MOB1B: variants seen among roughly 807,000 people sequenced by gnomAD.
MOB1B encodes MOB1 Mps One Binder homolog B.
MOB1B carries 19 observed loss-of-function variants against 24.4 expected under a neutral mutation model. That is an observed-to-expected ratio of 0.78 (90% confidence interval 0.54 to 1.14). MOB1B has a LOEUF of 1.14. Ranked by LOEUF, MOB1B falls within the 50% of genes most tolerant of loss-of-function variation. MOB1B has a pLI of 0.00. For synonymous variants in MOB1B, 76 were observed against 82.1 expected (o/e 0.93, Z 0.40); for missense variants, 243 against 259.6 (o/e 0.94, Z 0.44).
At chr4:70,905,466 C>T (rs1735703531) in intron 1 of MOB1B, among the ~76,000 whole-genome samples, 2 of 151,582 alleles carry the variant, frequency 1.3e-5, no homozygotes, top group African/African-American at 4.9e-5. Flanking sequence ...CCAGGCTGGT[C>T]TCCTGGGCTC....
chr4:70,913,061 GT>G (rs1289366820), intron 1 of MOB1B, among the ~76,000 whole-genome samples: 1 of 152,190 alleles, frequency 6.6e-6, no homozygotes, highest in Non-Finnish European at 1.5e-5. Context: ...CCCAGCCTGT[GT>G]TTTTCAAACT....
rs1735763398 is a variant in MOB1B at position 70,906,709 on chromosome 4, CAG to C, written c.14+4162_14+4163del. ...ACTGCATATGTGGGTTTGGCTGGGA[CAG>C]AGCTTTGGTTGTGCCGCAGTTTGGC... On this transcript the variant is annotated intron_variant, in intron 1 of 5. Transcript: ENST00000309395. Among the ~76,000 whole-genome samples the C allele has an allele frequency of 2.0e-5, 3 of 152,274 alleles. No homozygotes were observed. In the South Asian group the frequency reaches 6.2e-4, roughly 32 times the overall value.
chr4:70,902,322 G>T (rs1205186593), upstream of MOB1B: 1 of 644,550 alleles, frequency 1.6e-6, no homozygotes, highest in Non-Finnish European at 2.8e-6. Flanking sequence ...CCCTCCCCTG[G>T]AGTGATTCAA....
intron 1 of MOB1B, among the ~76,000 whole-genome samples, chr4:70,940,824 G>A (rs1737301813): frequency 6.6e-6 from 1 of 151,766 alleles, no homozygotes; most frequent in Non-Finnish European, 1.5e-5. Context: ...TTACAGGCAT[G>A]CACCACCACG....
At chr4:70,940,168 G>GT (rs1248043582) in intron 1 of MOB1B, among the ~76,000 whole-genome samples, 2 of 152,120 alleles carry the variant, frequency 1.3e-5, no homozygotes, top group African/African-American at 2.4e-5. Context: ...GGTCTCGGGG[G>GT]TTTTTATAGG....
chr4:70,920,773 G>T (rs1025341536), intron 1 of MOB1B, among the ~76,000 whole-genome samples: 8 of 152,022 alleles, frequency 5.3e-5, no homozygotes, highest in South Asian at 2.1e-4. Flanking sequence ...ACAGATTTTT[G>T]GGGGAAATTA....
At chr4:70,938,526 C>A (rs1305488738) in intron 1 of MOB1B, among the ~76,000 whole-genome samples, 3 of 151,926 alleles carry the variant, frequency 2.0e-5, no homozygotes, top group African/African-American at 7.3e-5. Flanking sequence ...TTCTGTTTTG[C>A]CCTCTCCATA....
At chr4:70,969,909 AC>A in intron 2 of MOB1B, 21 bp from the exon 3 acceptor site, 1 of 1,409,902 alleles carries the variant, frequency 7.1e-7, no homozygotes, top group Non-Finnish European at 9.9e-7. Context: ...TGTTTTACTT[AC>A]AACTGATACT....
At chr4:70,973,933 T>C (rs1346098767) in intron 3 of MOB1B, among the ~76,000 whole-genome samples, 1 of 152,190 alleles carries the variant, frequency 6.6e-6, no homozygotes, top group African/African-American at 2.4e-5. Context: ...TATTTTTCTG[T>C]TATATATTGT....
At chr4:70,933,301 A>G (rs1469546089) in intron 1 of MOB1B, among the ~76,000 whole-genome samples, 1 of 152,138 alleles carries the variant, frequency 6.6e-6, no homozygotes, top group Non-Finnish European at 1.5e-5. Flanking sequence ...AAGACATGAG[A>G]TTTGGGTAGG....
At chr4:70,934,750 C>T (rs897018431) in intron 1 of MOB1B, among the ~76,000 whole-genome samples, 1 of 152,098 alleles carries the variant, frequency 6.6e-6, no homozygotes, top group Non-Finnish European at 1.5e-5. Flanking sequence ...GCCACCCCAC[C>T]CAGCCTGGAA....
intron 3 of MOB1B, among the ~76,000 whole-genome samples, chr4:70,971,408 A>G (rs911656966): frequency 2.0e-5 from 3 of 151,758 alleles, no homozygotes; most frequent in Non-Finnish European, 4.4e-5. Flanking sequence ...AGGCAGGAGA[A>G]TCACTTAAAC....
intron 1 of MOB1B, among the ~76,000 whole-genome samples, chr4:70,933,537 T>C (rs370577089): frequency 1.4e-5 from 2 of 140,862 alleles, no homozygotes; most frequent in South Asian, 4.6e-4. Context: ...GTAATAAAAA[T>C]AACTCTTTTT....
At position 70,908,700 on chromosome 4, in the gene MOB1B, G is replaced by T. The variant is rs577951181; in HGVS notation, c.14+6150G>T. On this transcript the variant is annotated intron_variant, in intron 1 of 5. Coordinates refer to ENST00000309395, the MANE Select transcript of MOB1B (RefSeq NM_173468.4). Reference sequence around the variant, plus strand: ...TGAGGCAGTGGAATTGCTTGAACCCGTGAGGTGGAGGTTGCAGTGAGCCGA... The same window carrying T: ...TGAGGCAGTGGAATTGCTTGAACCCTTGAGGTGGAGGTTGCAGTGAGCCGA... 9.5e-4 allele frequency among the ~76,000 whole-genome samples: 144 copies of T among 151,192 alleles called. 1 individual carries two copies. Among genetic ancestry groups the T allele is most frequent in the Non-Finnish European group, 1.8e-3 (124 of 67,888 alleles).
intron 2 of MOB1B, among the ~76,000 whole-genome samples, chr4:70,966,357 C>T (rs1738529295): frequency 6.7e-6 from 1 of 149,578 alleles, no homozygotes; most frequent in South Asian, 2.1e-4. Context: ...TCAGCCTAGG[C>T]AATATAGTGA....
chr4:70,914,821 A>C (rs773609639), intron 1 of MOB1B, among the ~76,000 whole-genome samples: 1 of 152,130 alleles, frequency 6.6e-6, no homozygotes, highest in Non-Finnish European at 1.5e-5. Flanking sequence ...CCTGGGCCCA[A>C]GCTGTTGTAC....
In MOB1B at chr4:70,985,145, T is replaced by C. The variant is rs1280373547; in HGVS notation, c.*3088T>C. The C allele has an allele frequency of 6.6e-6, 1 of 152,224 alleles. No homozygotes were observed. Among genetic ancestry groups the C allele is most frequent in the Non-Finnish European group, 1.5e-5 (1 of 68,036 alleles). The allele number at this position is 152,224 out of a possible 1,614,324, so 9.4% of individuals were successfully genotyped here. ...TATATAACCACCAGACTCCATTTTATATATTAGCATTTTCCTTGCTTATGG... is the reference window on the plus strand; with the variant it reads ...TATATAACCACCAGACTCCATTTTACATATTAGCATTTTCCTTGCTTATGG... On this transcript the variant is annotated 3_prime_UTR_variant, in exon 6 of 6. Transcript: ENST00000309395.
intron 3 of MOB1B, among the ~76,000 whole-genome samples, chr4:70,973,361 T>C (rs1000816081): frequency 6.6e-6 from 1 of 151,642 alleles, no homozygotes; most frequent in African/African-American, 2.4e-5. Context: ...TCTCGGCACT[T>C]TGGGAGGCCA....
chr4:70,968,460 C>T (rs1046046263), intron 2 of MOB1B, among the ~76,000 whole-genome samples: 4 of 151,982 alleles, frequency 2.6e-5, no homozygotes, highest in East Asian at 1.9e-4. Flanking sequence ...TACAGGCATG[C>T]GCCACCACAC....
Sources: allele counts gnomAD v4.1 joint callset (sites outside exome capture counted in the v4.1 genomes callset), GRCh38; gene constraint gnomAD v4.1.1; transcripts MANE v1.5; gene names NCBI Gene and HGNC (gene_info 2026-07-23, HGNC 2026-07-21).